Variants in VHLL observed in about 807,000 individuals in gnomAD.
VHLL encodes the protein von Hippel-Lindau-like protein.
A neutral mutation model predicts 3.5 loss-of-function variants in VHLL; 4 were observed. The ratio of observed to expected loss-of-function variants is 1.13; its 90% CI spans 0.56 to 2.59. VHLL has a LOEUF of 2.59. Among genes scored for constraint, VHLL ranks in the 30% most tolerant of loss-of-function variants. The probability of loss-of-function intolerance (pLI) is 0.02; values close to 1 mark genes in which losing one functional copy is unlikely to be tolerated. For synonymous variants in VHLL, 77 were observed against 76.0 expected (o/e 1.01, Z -0.07); for missense variants, 155 against 178.2 (o/e 0.87, Z 0.74).
chr1:156,299,251 T>G lies in VHLL; in HGVS notation c.-62A>C. The G allele has an allele frequency of 6.6e-7, 1 of 1,507,002 alleles. No individual in the cohort carries two copies. The allele number at this position is 1,507,002 out of a possible 1,614,324, so 93.4% of individuals were successfully genotyped here. A position where few individuals can be genotyped will look rare whatever the true frequency, so the allele number is the denominator to read the frequency against. On this transcript the variant is annotated 5_prime_UTR_variant, in exon 1 of 1. Coordinates refer to ENST00000339922, the MANE Select transcript of VHLL (RefSeq NM_001004319.3). The stretch of plus-strand genomic sequence containing the variant: ...CCAGTTCTTAAAGAGACTACTTCCG[T>G]TCACCCGGATTTCGGCAAGAGTTAC...
chr1:156,299,039 G>GT lies in VHLL; in HGVS notation c.150dup (p.Arg51ThrfsTer58), dbSNP rs763156423. 125 of 1,613,056 alleles carry GT rather than the reference G, an allele frequency of 7.7e-5. No individual in the cohort carries two copies. The highest frequency in any genetic ancestry group is 9.7e-5 in the Non-Finnish European group (115 of 1,180,004). On this transcript the variant is annotated frameshift_variant, in exon 1 of 1. Coordinates refer to ENST00000339922, the MANE Select transcript of VHLL (RefSeq NM_001004319.3). LOFTEE classifies it high-confidence loss of function. ...CAGATGATGATCCGGGAGAGCTCGC[G>GT]TGAGTTCACAGAGCGCAGCACAGGC...
rs745960285 is a variant in VHLL, at chr1:156,298,812, T to C, written c.378A>G (p.Gly126=). ...GTGTGATGTTGGCAAAAACAGGCTG[T>C]CCATTAACATTGGAAGATGGCACAA... ...ELFVPSSNVN[G]QPVFANITLQ... is the part of the protein sequence containing the mutation. The change falls in exon 1 of 1, where the codon GGA becomes GGG. Residue 126 remains glycine, a synonymous_variant. Coordinates refer to ENST00000339922, the MANE Select transcript of VHLL (RefSeq NM_001004319.3). The C allele has an allele frequency of 6.2e-7, 1 of 1,614,208 alleles. No individual in the cohort carries two copies. The highest frequency in any genetic ancestry group is 1.1e-5 in the South Asian group (1 of 91,088).
rs759289267 is a variant in VHLL, at chr1:156,298,954, G to A, written c.236C>T (p.Pro79Leu). The part of the protein sequence containing the change: ...VWLNYYGKLL[P>L]YLTLLPGRDF... ...CCTGCCGGGCAGCAGCGTCAGGTAG[G>A]GCAGCAGCTTGCCATAGTAGTTGAG... is the stretch of plus-strand genomic sequence containing the variant. Residue 79 changes from proline to leucine, a missense_variant, in exon 1 of 1, where the codon CCC (proline) becomes CTC (leucine). Coordinates refer to ENST00000339922, the MANE Select transcript of VHLL (RefSeq NM_001004319.3). 5.6e-6 allele frequency: 9 copies of A among 1,614,110 alleles called. No individual in the cohort carries two copies. Among genetic ancestry groups the A allele is most frequent in the African/African-American group, 1.3e-5 (1 of 75,034 alleles).
In VHLL at chr1:156,299,277, A is replaced by C. The variant is rs1045674109; in HGVS notation, c.-88T>G. On this transcript the variant is annotated 5_prime_UTR_variant, in exon 1 of 1. The change creates a new upstream start codon in the 5' untranslated region. Transcript: ENST00000339922. The stretch of plus-strand genomic sequence containing the variant: ...TCACCCGGATTTCGGCAAGAGTTAC[A>C]ATGGAATCAGAAAGGCTGGGAGTAT... 1.4e-6 allele frequency: 2 copies of C among 1,481,088 alleles called. No individual in the cohort carries two copies. Among genetic ancestry groups the C allele is most frequent in the African/African-American group, 2.8e-5 (2 of 70,782 alleles). 91.7% of individuals were successfully genotyped at this position (1,481,088 alleles called of 1,614,324 possible).
At position 156,298,991 on chromosome 1, in the gene VHLL, G is replaced by C. The variant is rs373370233; in HGVS notation, c.199C>G (p.Leu67Val). Residue 67 changes from leucine to valine, a missense_variant, in exon 1 of 1, where the codon CTG becomes GTG. By Grantham distance (32) the Leu-to-Val change is conservative. Transcript: ENST00000339922. ...CCATAGTAGTTGAGCCACACAGGCAGCACGATTCGTGGGCTGTGATTGCAG... is the reference window on the plus strand; with the variant it reads ...CCATAGTAGTTGAGCCACACAGGCACCACGATTCGTGGGCTGTGATTGCAG... ...IICNHSPRIV[L>V]PVWLNYYGKL... 5.0e-6 allele frequency: 8 copies of C among 1,613,700 alleles called. No homozygotes were observed. The highest frequency in any genetic ancestry group is 6.8e-6 in the Non-Finnish European group (8 of 1,180,052).
In VHLL at chr1:156,298,986, A is replaced by C. The variant is rs1274427303; in HGVS notation, c.204T>G (p.Pro68=). The stretch of plus-strand genomic sequence containing the variant: ...GCTTGCCATAGTAGTTGAGCCACAC[A>C]GGCAGCACGATTCGTGGGCTGTGAT... ...ICNHSPRIVL[P]VWLNYYGKLL... Residue 68 remains proline, a synonymous_variant, in exon 1 of 1, where the codon CCT becomes CCG. Transcript: ENST00000339922. The C allele has an allele frequency of 6.2e-7, 1 of 1,613,796 alleles. No homozygotes were observed. Among genetic ancestry groups the C allele is most frequent in the African/African-American group, 1.3e-5 (1 of 74,916 alleles).
Position 156,298,777 on chromosome 1 carries a change from A to G in VHLL, c.413T>C (p.Ile138Thr), listed in dbSNP as rs540096065. The change falls in exon 1 of 1, where the codon ATA becomes ACA. Residue 138 changes from isoleucine to threonine, a missense_variant. Transcript: ENST00000339922. Reference sequence around the variant, plus strand: ...CCTGGAGGCATTGCTCTTTCAGGGTATACACTGCAGTGTGATGTTGGCAAA... The same window carrying G: ...CCTGGAGGCATTGCTCTTTCAGGGTGTACACTGCAGTGTGATGTTGGCAAA... The part of the protein sequence containing the change: ...PVFANITLQC[I>T]P The G allele has an allele frequency of 6.2e-7, 1 of 1,613,476 alleles. No homozygotes were observed. Among genetic ancestry groups the G allele is most frequent in the Admixed American group, 1.7e-5 (1 of 59,988 alleles).
Position 156,299,292 on chromosome 1 carries a change from G to T in VHLL, c.-103C>A. On this transcript the variant is annotated 5_prime_UTR_variant, in exon 1 of 1. Coordinates refer to ENST00000339922, the MANE Select transcript of VHLL (RefSeq NM_001004319.3). ...CAAGAGTTACAATGGAATCAGAAAG[G>T]CTGGGAGTATATAACCCCCTACCTG... 7.0e-7 allele frequency: 1 copy of T among 1,431,538 alleles called. No individual in the cohort carries two copies. The allele number at this position is 1,431,538 out of a possible 1,614,324, so 88.7% of individuals were successfully genotyped here.
At position 156,298,836 on chromosome 1, in the gene VHLL, A is replaced by G. The variant is rs1663717864; in HGVS notation, c.354T>C (p.Phe118=). 1.2e-6 allele frequency: 2 copies of G among 1,614,214 alleles called. No homozygotes were observed. The highest frequency in any genetic ancestry group is 1.7e-6 in the Non-Finnish European group (2 of 1,180,048). Residue 118 remains phenylalanine, a synonymous_variant, in exon 1 of 1, where the codon TTT becomes TTC. Coordinates refer to ENST00000339922, the MANE Select transcript of VHLL (RefSeq NM_001004319.3). ...GTCCATTAACATTGGAAGATGGCAC[A>G]AACAATTCAGTTTGGTTAACCAGAA... ...DKLLVNQTEL[F]VPSSNVNGQP... is the part of the protein sequence containing the mutation.
Position 156,299,015 on chromosome 1 carries a change from AGAT to A in VHLL, c.172_174del (p.Ile58del). On this transcript the variant is annotated inframe_deletion, in exon 1 of 1. Transcript: ENST00000339922. ...AGCACGATTCGTGGGCTGTGATTGC[AGAT>A]GATGATCCGGGAGAGCTCGCGTGAG... is the stretch of plus-strand genomic sequence containing the variant. The A allele has an allele frequency of 6.2e-7, 1 of 1,613,466 alleles. No individual in the cohort carries two copies. Among genetic ancestry groups the A allele is most frequent in the Non-Finnish European group, 8.5e-7 (1 of 1,180,028 alleles).
chr1:156,298,923 G>T lies in VHLL; in HGVS notation c.267C>A (p.Phe89Leu). 2 of 1,614,200 alleles carry T rather than the reference G, an allele frequency of 1.2e-6. No individual in the cohort carries two copies. The highest frequency in any genetic ancestry group is 1.7e-6 in the Non-Finnish European group (2 of 1,180,040). Residue 89 changes from phenylalanine to leucine, a missense_variant, in exon 1 of 1, where the codon TTC becomes TTA. Transcript: ENST00000339922. ...PYLTLLPGRD[F>L]RIHNFRSHPW... The stretch of plus-strand genomic sequence containing the variant: ...GGTGGCTTCGGAAGTTGTGGATGCG[G>T]AAGTCCCTGCCGGGCAGCAGCGTCA...
rs1226648465 is a variant in VHLL at position 156,298,985 on chromosome 1, C to T, written c.205G>A (p.Val69Met). ...CNHSPRIVLPVWLNYYGKLLP... is the reference protein window; with the variant it reads ...CNHSPRIVLPMWLNYYGKLLP... ...AGCTTGCCATAGTAGTTGAGCCACA[C>T]AGGCAGCACGATTCGTGGGCTGTGA... Residue 69 changes from valine (V) to methionine (M), a missense_variant, in exon 1 of 1, where the codon GTG (valine) becomes ATG (methionine). Val to Met is a conservative substitution (Grantham distance 21). Transcript: ENST00000339922. 8 of 1,613,780 alleles carry T rather than the reference C, an allele frequency of 5.0e-6. No homozygotes were observed. Among genetic ancestry groups the T allele is most frequent in the African/African-American group, 2.7e-5 (2 of 74,902 alleles).
In VHLL at chr1:156,299,038, C is replaced by A; in HGVS notation, c.152G>T (p.Arg51Leu). 1 of 1,613,160 alleles carries A rather than the reference C, an allele frequency of 6.2e-7. No homozygotes were observed. The highest frequency in any genetic ancestry group is 8.5e-7 in the Non-Finnish European group (1 of 1,180,016). Residue 51 changes from arginine to leucine, a missense_variant, in exon 1 of 1, where the codon CGC becomes CTC. Transcript: ENST00000339922. ...AWPVLRSVNS[R>L]ELSRIIICNH... ...GCAGATGATGATCCGGGAGAGCTCG[C>A]GTGAGTTCACAGAGCGCAGCACAGG...
At position 156,298,636 on chromosome 1, in the gene VHLL, T is replaced by A. The variant is rs1663713041; in HGVS notation, c.*134A>T. ...CATCCACAGATATTCACTGTGCTCC[T>A]GCGTCAGCCGCTCCAGGTCTTTCAA... is the stretch of plus-strand genomic sequence containing the variant. On this transcript the variant is annotated 3_prime_UTR_variant, in exon 1 of 1. Coordinates refer to ENST00000339922, the MANE Select transcript of VHLL (RefSeq NM_001004319.3). The A allele has an allele frequency of 9.0e-7, 1 of 1,111,174 alleles. No homozygotes were observed. The highest frequency in any genetic ancestry group is 1.3e-6 in the Non-Finnish European group (1 of 769,852). 68.8% of individuals were successfully genotyped at this position (1,111,174 alleles called of 1,614,324 possible).
Position 156,299,039 on chromosome 1 carries a change from G to C in VHLL, c.151C>G (p.Arg51Gly), listed in dbSNP as rs771339413. 6 of 1,613,056 alleles carry C rather than the reference G, an allele frequency of 3.7e-6. No homozygotes were observed. The highest frequency in any genetic ancestry group is 4.2e-6 in the Non-Finnish European group (5 of 1,180,004). The change falls in exon 1 of 1, where the codon CGC becomes GGC. Residue 51 changes from arginine to glycine, a missense_variant. Transcript: ENST00000339922. ...CAGATGATGATCCGGGAGAGCTCGCGTGAGTTCACAGAGCGCAGCACAGGC... is the reference window on the plus strand; with the variant it reads ...CAGATGATGATCCGGGAGAGCTCGCCTGAGTTCACAGAGCGCAGCACAGGC... Reference protein sequence around the residue: ...AWPVLRSVNSRELSRIIICNH... With the variant: ...AWPVLRSVNSGELSRIIICNH...
Position 156,298,683 on chromosome 1 carries a change from G to C in VHLL, c.*87C>G. On this transcript the variant is annotated 3_prime_UTR_variant, in exon 1 of 1. Coordinates refer to ENST00000339922, the MANE Select transcript of VHLL (RefSeq NM_001004319.3). ...TCAATCACATTTGGATGATCTTCCA[G>C]ATCGTCATAGAGTGATCTGACGATG... The C allele has an allele frequency of 7.0e-7, 1 of 1,423,818 alleles. No individual in the cohort carries two copies. Among genetic ancestry groups the C allele is most frequent in the South Asian group, 1.3e-5 (1 of 75,350 alleles). 88.2% of individuals were successfully genotyped at this position (1,423,818 alleles called of 1,614,324 possible).
Position 156,298,892 on chromosome 1 carries a change from G to A in VHLL, c.298C>T (p.Leu100Phe). The A allele has an allele frequency of 6.2e-7, 1 of 1,614,220 alleles. No homozygotes were observed. The highest frequency in any genetic ancestry group is 8.5e-7 in the Non-Finnish European group (1 of 1,180,044). Reference sequence around the variant, plus strand: ...TCATGTGTCCTTGCATCTCTGAAGAGCCAAGGGTGGCTTCGGAAGTTGTGG... The same window carrying A: ...TCATGTGTCCTTGCATCTCTGAAGAACCAAGGGTGGCTTCGGAAGTTGTGG... ...RIHNFRSHPWLFRDARTHDKL... is the reference protein window; with the variant it reads ...RIHNFRSHPWFFRDARTHDKL... Residue 100 changes from leucine to phenylalanine, a missense_variant, in exon 1 of 1, where the codon CTC becomes TTC. By Grantham distance (22) the Leu-to-Phe change is conservative. Coordinates refer to ENST00000339922, the MANE Select transcript of VHLL (RefSeq NM_001004319.3).
In VHLL at chr1:156,298,963, T is replaced by C; in HGVS notation, c.227A>G (p.Lys76Arg). Residue 76 changes from lysine (K) to arginine (R), a missense_variant, in exon 1 of 1, where the codon AAG becomes AGG. Physicochemically the swap from Lys to Arg is conservative, Grantham distance 26. Coordinates refer to ENST00000339922, the MANE Select transcript of VHLL (RefSeq NM_001004319.3). ...CAGCAGCGTCAGGTAGGGCAGCAGC[T>C]TGCCATAGTAGTTGAGCCACACAGG... The part of the protein sequence containing the change: ...VLPVWLNYYG[K>R]LLPYLTLLPG... The C allele has an allele frequency of 6.2e-7, 1 of 1,614,126 alleles. No individual in the cohort carries two copies.
At position 156,299,146 on chromosome 1, in the gene VHLL, G is replaced by A. The variant is rs374972165; in HGVS notation, c.44C>T (p.Ala15Val). 554 of 1,598,958 alleles carry A rather than the reference G, an allele frequency of 3.5e-4. 3 individuals are homozygous for A. In the South Asian group the frequency reaches 5.8e-3, roughly 17 times the overall value. ...TTCTGGGCCTGCCTCCTGGGTGCCC[G>A]CCTGGGCCTCTAAACCCACCCCGTT... ...AGNGVGLEAQAGTQEAGPEEY... is the reference protein window; with the variant it reads ...AGNGVGLEAQVGTQEAGPEEY... Residue 15 changes from alanine to valine, a missense_variant, in exon 1 of 1, where the codon GCG (alanine) becomes GTG (valine). Ala to Val is a moderately conservative substitution (Grantham distance 64). Coordinates refer to ENST00000339922, the MANE Select transcript of VHLL (RefSeq NM_001004319.3).
Sources: gnomAD v4.1 joint callset for allele counts on GRCh38, gnomAD v4.1.1 for gene constraint, MANE v1.5 for transcripts, NCBI Gene and HGNC (gene_info 2026-07-23, HGNC 2026-07-21) for gene names.